Variants in EYS observed in about 807,000 individuals in gnomAD.
The protein encoded by EYS is EGF-like photoreceptor maintenance factor, also known as protein eyes shut homolog.
EYS carries 250 observed loss-of-function variants against 282.1 expected under a neutral mutation model. The ratio of observed to expected loss-of-function variants is 0.89; its 90% CI spans 0.80 to 0.98. The LOEUF (loss-of-function observed/expected upper bound fraction) is 0.98. Among genes scored for constraint, EYS ranks in the 50% least tolerant of loss-of-function variants. The probability of loss-of-function intolerance (pLI) is 0.00; values close to 1 mark genes in which losing one functional copy is unlikely to be tolerated. For missense variants in EYS, 4,016 were observed against 3,709.0 expected (o/e 1.08, Z -2.15); for synonymous variants, 1,355 against 1,282.9 (o/e 1.06, Z -1.20).
At position 64,522,751 on chromosome 6, in the gene EYS, G is replaced by A. The variant is rs543552522; in HGVS notation, c.5644+67472C>T. ...GGTCTTTTTGTTTTCAAATATACTC[G>A]ATCGCTGAAGGTTAAAAATGTAAAG... On this transcript the variant is annotated intron_variant, in intron 26 of 42. Transcript: ENST00000503581. 2.6e-5 allele frequency among the ~76,000 whole-genome samples: 4 copies of A among 151,672 alleles called. No homozygotes were observed. In the South Asian group the frequency reaches 6.2e-4, roughly 24 times the overall value.
At chr6:65,070,988 T>G (rs995265860) in intron 12 of EYS, among the ~76,000 whole-genome samples, 1 of 151,956 alleles carries the variant, frequency 6.6e-6, no homozygotes, top group Non-Finnish European at 1.5e-5. Context: ...TTTGTCACTT[T>G]TTTATTTCAC....
chr6:65,031,174 TAC>T (rs3033917), intron 13 of EYS, among the ~76,000 whole-genome samples: 35 of 146,490 alleles, frequency 2.4e-4, no homozygotes, highest in East Asian at 1.6e-3. Flanking sequence ...CACACGCACA[TAC>T]ACACACACAC....
chr6:65,399,797 G>A (rs1766423439), intron 7 of EYS, among the ~76,000 whole-genome samples: 1 of 151,962 alleles, frequency 6.6e-6, no homozygotes, highest in Admixed American at 6.6e-5. Flanking sequence ...CTGTCTATAG[G>A]TAGTTCTTTC....
At chr6:63,932,400 A>G (rs976969252) in intron 35 of EYS, among the ~76,000 whole-genome samples, 4 of 152,146 alleles carry the variant, frequency 2.6e-5, no homozygotes, top group Non-Finnish European at 5.9e-5. Flanking sequence ...GACTCCTGAG[A>G]AAAAAGTGGC....
chr6:65,070,148 C>T (rs1468271907), intron 12 of EYS, among the ~76,000 whole-genome samples: 1 of 151,948 alleles, frequency 6.6e-6, no homozygotes, highest in Non-Finnish European at 1.5e-5. Flanking sequence ...GTCATTAAAT[C>T]TCCCTTCCAT....
chr6:63,839,983 A>G (rs1361612207), intron 36 of EYS, among the ~76,000 whole-genome samples: 1 of 150,232 alleles, frequency 6.7e-6, no homozygotes, highest in African/African-American at 2.4e-5. Context: ...ATTTTTTTTA[A>G]TATACCAGTT....
At chr6:63,735,617 G>A (rs1234701095) in intron 41 of EYS, among the ~76,000 whole-genome samples, 1 of 151,904 alleles carries the variant, frequency 6.6e-6, no homozygotes, top group East Asian at 1.9e-4. Flanking sequence ...CCGTAAACAA[G>A]GATATTTTCC....
intron 12 of EYS, among the ~76,000 whole-genome samples, chr6:65,273,278 T>C (rs1767952700): frequency 6.6e-6 from 1 of 152,162 alleles, no homozygotes; most frequent in South Asian, 2.1e-4. Flanking sequence ...TACAGATAAG[T>C]GGGGACTACT....
At chr6:65,607,149 T>C (rs910778779) in intron 2 of EYS, among the ~76,000 whole-genome samples, 1 of 151,828 alleles carries the variant, frequency 6.6e-6, no homozygotes, top group African/African-American at 2.4e-5. Context: ...TCTCAACCAC[T>C]TGCAATTTAA....
chr6:64,851,445 C>A (rs1765882503), intron 19 of EYS, among the ~76,000 whole-genome samples: 1 of 152,064 alleles, frequency 6.6e-6, no homozygotes, highest in East Asian at 1.9e-4. Flanking sequence ...ATACTCAGAG[C>A]TTCATTCATA....
At chr6:65,186,507 C>A (rs1451712937) in intron 12 of EYS, among the ~76,000 whole-genome samples, 2 of 151,596 alleles carry the variant, frequency 1.3e-5, no homozygotes, top group African/African-American at 4.8e-5. Flanking sequence ...TAATACAGTT[C>A]CTTACCTTGG....
chr6:64,170,523 A>C (rs1211016198), intron 31 of EYS, among the ~76,000 whole-genome samples: 1 of 151,770 alleles, frequency 6.6e-6, no homozygotes, highest in African/African-American at 2.4e-5. Context: ...GCAATCTCTT[A>C]TCTCTTACAC....
intron 2 of EYS, among the ~76,000 whole-genome samples, chr6:65,517,160 G>C (rs983023532): frequency 6.6e-6 from 1 of 151,714 alleles, no homozygotes; most frequent in African/African-American, 2.4e-5. Context: ...TAAACCAAAG[G>C]AACTACTGCG....
At chr6:65,090,851 G>T (rs1442572470) in intron 12 of EYS, among the ~76,000 whole-genome samples, 3 of 151,904 alleles carry the variant, frequency 2.0e-5, no homozygotes, top group South Asian at 2.1e-4. Flanking sequence ...GTCATTTTCT[G>T]GTCTATAAAT....
intron 26 of EYS, among the ~76,000 whole-genome samples, chr6:64,526,396 A>C (rs1041699921): frequency 2.2e-4 from 33 of 151,850 alleles, no homozygotes; most frequent in South Asian, 2.1e-4. Context: ...TGTGAATCAC[A>C]ATTATCTCAA....
At chr6:65,618,928 C>A (rs973142674) in intron 2 of EYS, among the ~76,000 whole-genome samples, 2 of 152,068 alleles carry the variant, frequency 1.3e-5, no homozygotes, top group African/African-American at 4.8e-5. Context: ...GTTTTGGTAC[C>A]AGTACCATGC....
At chr6:63,743,569 G>A (rs1769136733) in intron 41 of EYS, among the ~76,000 whole-genome samples, 1 of 152,158 alleles carries the variant, frequency 6.6e-6, no homozygotes, top group Admixed American at 6.5e-5. Context: ...AAGCATTCAA[G>A]TTGTCAGATG....
chr6:63,944,561 C>T (rs1034679794), intron 35 of EYS, among the ~76,000 whole-genome samples: 4 of 152,126 alleles, frequency 2.6e-5, no homozygotes, highest in Non-Finnish European at 5.9e-5. Context: ...TTACCTAACA[C>T]AGTTATCATT....
At chr6:65,393,414 T>C (rs956416043) in intron 7 of EYS, among the ~76,000 whole-genome samples, 1 of 152,186 alleles carries the variant, frequency 6.6e-6, no homozygotes, top group Non-Finnish European at 1.5e-5. Flanking sequence ...TCCAAAAGAT[T>C]AAGCTTTCCT....
Sources: allele counts gnomAD v4.1 joint callset (sites outside exome capture counted in the v4.1 genomes callset), GRCh38; gene constraint gnomAD v4.1.1; transcripts MANE v1.5; gene names NCBI Gene and HGNC (gene_info 2026-07-23, HGNC 2026-07-21).